EXOC2: variants seen among roughly 807,000 people sequenced by gnomAD.
EXOC2 encodes the protein exocyst complex component 2.
In EXOC2, 70 loss-of-function variants were observed where a neutral mutation model predicts 131.8. The observed-to-expected ratio is 0.53, with a 90% CI of 0.44 to 0.65. EXOC2 has a LOEUF of 0.65. Ranked by LOEUF, EXOC2 falls within the 30% of genes least tolerant of loss-of-function variation. The pLI is 0.00. For synonymous variants in EXOC2, 411 were observed against 398.4 expected (o/e 1.03, Z -0.38); for missense variants, 923 against 1,108.6 (o/e 0.83, Z 2.38).
chr6:555,288 C>T lies in EXOC2; in HGVS notation c.1993G>A (p.Val665Ile), dbSNP rs889447936. ...VCQLSINIMQ[V>I]FIYCLEQLST... Reference sequence around the variant, plus strand: ...AACTGTTCCAGACAGTATATAAAAACCTAAGTGAAAACATAAGTTTCAGAA... The same window carrying T: ...AACTGTTCCAGACAGTATATAAAAATCTAAGTGAAAACATAAGTTTCAGAA... Residue 665 changes from valine to isoleucine, a missense_variant and splice_region_variant, in exon 20 of 28, where the codon GTT becomes ATT. Coordinates refer to ENST00000230449, the MANE Select transcript of EXOC2 (RefSeq NM_018303.6). 9 of 1,521,058 alleles carry T rather than the reference C, an allele frequency of 5.9e-6. No homozygotes were observed. The highest frequency in any genetic ancestry group is 1.4e-5 in the South Asian group (1 of 72,832). 94.2% of individuals were successfully genotyped at this position (1,521,058 alleles called of 1,614,324 possible).
chr6:570,361 C>T (rs1306797480), intron 13 of EXOC2, among the ~76,000 whole-genome samples: 18 of 152,194 alleles, frequency 1.2e-4, no homozygotes. Context: ...TTTCAATCTC[C>T]TGACCTCGTG....
At position 596,202 on chromosome 6, in the gene EXOC2, G is replaced by A. The variant is rs563546928; in HGVS notation, c.1073+1819C>T. Among the ~76,000 whole-genome samples the A allele has an allele frequency of 1.3e-4, 19 of 151,804 alleles. 1 individual carries two copies. The highest frequency in any genetic ancestry group is 3.9e-4 in the African/African-American group (16 of 41,214). On this transcript the variant is annotated intron_variant, in intron 10 of 27. Transcript: ENST00000230449. ...CACAGCACCCTCTCTTCATCCCACC[G>A]CCACTGCCTCTGCTTGCTTCCTCCT... is the stretch of plus-strand genomic sequence containing the variant.
chr6:603,376 C>T (rs190875629), intron 7 of EXOC2, among the ~76,000 whole-genome samples: 5 of 151,978 alleles, frequency 3.3e-5, no homozygotes, highest in Admixed American at 6.5e-5. Flanking sequence ...CGATGCTATA[C>T]GGACAGGATC....
chr6:524,367 T>C (rs958771688), intron 23 of EXOC2: 1 of 151,756 alleles, frequency 6.6e-6, no homozygotes. Context: ...GAAAATGAAA[T>C]AAAATAAAAA....
At chr6:544,214 C>T (rs1240843656) in intron 22 of EXOC2, among the ~76,000 whole-genome samples, 1 of 152,212 alleles carries the variant, frequency 6.6e-6, no homozygotes, top group African/African-American at 2.4e-5. Context: ...CTCTCTGAAA[C>T]AGCATCTGGA....
chr6:648,022 A>C (rs1168229338), intron 1 of EXOC2, among the ~76,000 whole-genome samples: 1 of 152,188 alleles, frequency 6.6e-6, no homozygotes, highest in African/African-American at 2.4e-5. Flanking sequence ...GTATTTCCTT[A>C]CCATGAAGAA....
intron 21 of EXOC2, among the ~76,000 whole-genome samples, chr6:553,508 G>C (rs992076387): frequency 6.6e-6 from 1 of 151,958 alleles, no homozygotes; most frequent in Non-Finnish European, 1.5e-5. Context: ...TGAAGAGGCA[G>C]GAGCCGTGAG....
intron 17 of EXOC2, 48 bp from the exon 18 acceptor site, chr6:556,612 G>A (rs1438729485): frequency 6.3e-7 from 1 of 1,596,594 alleles, no homozygotes; most frequent in Non-Finnish European, 8.6e-7. Flanking sequence ...AGCACTGGCT[G>A]TGAAGACATG....
chr6:649,584 T>C (rs1319525140), intron 1 of EXOC2, among the ~76,000 whole-genome samples: 3 of 152,236 alleles, frequency 2.0e-5, no homozygotes, highest in African/African-American at 7.2e-5. Context: ...CTCAAATGCC[T>C]GGACCCGAAT....
chr6:683,259 T>C (rs1292756014), intron 1 of EXOC2, among the ~76,000 whole-genome samples: 1 of 152,114 alleles, frequency 6.6e-6, no homozygotes, highest in South Asian at 2.1e-4. Context: ...AGCTAAACAA[T>C]GCAAAATCCC....
chr6:646,788 C>G (rs192045006), intron 1 of EXOC2, among the ~76,000 whole-genome samples: 1 of 152,118 alleles, frequency 6.6e-6, no homozygotes, highest in East Asian at 1.9e-4. Flanking sequence ...TGCTTCTAAA[C>G]GCAGACAAAA....
chr6:622,882 T>A (rs1464067727), intron 4 of EXOC2, among the ~76,000 whole-genome samples: 1 of 152,194 alleles, frequency 6.6e-6, no homozygotes, highest in Non-Finnish European at 1.5e-5. Context: ...TTACAATGCA[T>A]TACTAAATTG....
chr6:522,258 G>A (rs530920166), intron 23 of EXOC2, among the ~76,000 whole-genome samples: 13 of 152,224 alleles, frequency 8.5e-5, no homozygotes, highest in Non-Finnish European at 1.8e-4. Flanking sequence ...CCAGGCCTCA[G>A]GCAGGTCCAC....
Position 486,756 on chromosome 6 carries a change from TC to T in EXOC2, c.2689del (p.Glu897LysfsTer4). Reference protein sequence around the residue: ...LSSGADKKLLEELLNKFKSSM... With the variant: ...LSSGADKKLLXELLNKFKSSM... ...ACTCTTGAACTTGTTCAGGAGCTCT[TC>T]CAGTAACCTGCAGGACGGAGACACT... On this transcript the variant is annotated frameshift_variant, in exon 28 of 28. Transcript: ENST00000230449. LOFTEE classifies it high-confidence loss of function. 4 of 1,613,932 alleles carry T rather than the reference TC, an allele frequency of 2.5e-6. No homozygotes were observed. The highest frequency in any genetic ancestry group is 3.4e-6 in the Non-Finnish European group (4 of 1,179,866).
At chr6:508,709 CA>C (rs1391873538) in intron 23 of EXOC2, among the ~76,000 whole-genome samples, 1 of 152,216 alleles carries the variant, frequency 6.6e-6, no homozygotes, top group Non-Finnish European at 1.5e-5. Context: ...CAAGTTTTGG[CA>C]ATTATGAATA....
chr6:564,018 T>C lies in EXOC2; in HGVS notation c.1789+15A>G, dbSNP rs1430500707. The stretch of plus-strand genomic sequence containing the variant: ...ATCATTGCACAGTGAACGTCACCGA[T>C]TTATCAAAACACACCTTCCGCCGTG... On this transcript the variant is annotated intron_variant, in intron 16 of 27. Coordinates refer to ENST00000230449, the MANE Select transcript of EXOC2 (RefSeq NM_018303.6). 5 of 1,612,262 alleles carry C rather than the reference T, an allele frequency of 3.1e-6. No individual in the cohort carries two copies. Among genetic ancestry groups the C allele is most frequent in the Non-Finnish European group, 4.2e-6 (5 of 1,179,344 alleles).
At chr6:521,227 C>T (rs1409401749) in intron 23 of EXOC2, among the ~76,000 whole-genome samples, 1 of 150,794 alleles carries the variant, frequency 6.6e-6, no homozygotes, top group Non-Finnish European at 1.5e-5. Context: ...AACCACCACC[C>T]ACTGAGCACC....
rs769652315 is a variant in EXOC2, at chr6:564,700, T to C, written c.1512A>G (p.Lys504=). The C allele has an allele frequency of 1.4e-5, 22 of 1,586,812 alleles. No individual in the cohort carries two copies. Among genetic ancestry groups the C allele is most frequent in the South Asian group, 2.3e-5 (2 of 87,498 alleles). ...GGGAGTGCATTACTTCCTGAATCATTTTCTAGAAAACCAGGAACAAGCATA... is the reference window on the plus strand; with the variant it reads ...GGGAGTGCATTACTTCCTGAATCATCTTCTAGAAAACCAGGAACAAGCATA... ...NVRQRQNDFK[K]MIQEVMHSLV... Residue 504 remains lysine, a splice_region_variant and synonymous_variant, in exon 15 of 28, where the codon AAA becomes AAG. Transcript: ENST00000230449.
chr6:567,168 G>A (rs9378938), intron 13 of EXOC2, among the ~76,000 whole-genome samples: 8,479 of 152,256 alleles, frequency 0.056, 264 homozygotes, highest in South Asian at 0.13. Context: ...TCTGTTCCCC[G>A]CCCCATGGCC....
Sources: gnomAD v4.1 joint callset for allele counts (sites outside exome capture counted in the v4.1 genomes callset) on GRCh38, gnomAD v4.1.1 for gene constraint, MANE v1.5 for transcripts, NCBI Gene and HGNC (gene_info 2026-07-23, HGNC 2026-07-21) for gene names.